Variants in LMX1A observed in about 807,000 individuals in gnomAD.
LMX1A encodes LIM homeobox transcription factor 1-alpha.
Under a neutral mutation model 49.1 loss-of-function variants are expected in LMX1A, and 15 were observed. That is an observed-to-expected ratio of 0.31 (90% confidence interval 0.20 to 0.47). The LOEUF (loss-of-function observed/expected upper bound fraction) is 0.47, where lower values mean the gene tolerates loss of function less well. LMX1A is among the 20% of genes least tolerant of loss of function. The probability of loss-of-function intolerance (pLI) is 1.00; values close to 1 mark genes in which losing one functional copy is unlikely to be tolerated. For missense variants in LMX1A, 372 were observed against 475.8 expected, an observed-to-expected ratio of 0.78 and a Z score of 2.03; for synonymous variants, 167 against 185.7, an observed-to-expected ratio of 0.90 and a Z score of 0.82.
Position 165,205,921 on chromosome 1 carries a change from G to C in LMX1A, c.931C>G (p.Pro311Ala), listed in dbSNP as rs186074862. Residue 311 changes from proline to alanine, a missense_variant, in exon 8 of 9, where the codon CCC (proline) becomes GCC (alanine). By Grantham distance (27) the Pro-to-Ala change is conservative. Around this residue, in one of 3 missense-constraint regions of LMX1A, gnomAD observed 127 missense variants for 138.0 expected, o/e 0.92. Coordinates refer to ENST00000342310, the MANE Select transcript of LMX1A (RefSeq NM_177398.4). Reference protein sequence around the residue: ...AIEQSVYSSDPFRQGLTPPQM... With the variant: ...AIEQSVYSSDAFRQGLTPPQM... ...GGTGGGGTGAGACCCTGTCGGAAGGGATCTGAGCTGTAGACACTCTGCTCG... is the reference window on the plus strand; with the variant it reads ...GGTGGGGTGAGACCCTGTCGGAAGGCATCTGAGCTGTAGACACTCTGCTCG... 4 of 1,614,104 alleles carry C rather than the reference G, an allele frequency of 2.5e-6. No homozygotes were observed. Among genetic ancestry groups the C allele is most frequent in the Non-Finnish European group, 3.4e-6 (4 of 1,180,016 alleles).
chr1:165,312,636 G>C (rs1655107816), intron 3 of LMX1A, among the ~76,000 whole-genome samples: 2 of 152,224 alleles, frequency 1.3e-5, no homozygotes, highest in African/African-American at 2.4e-5. Flanking sequence ...CTCAGATGGA[G>C]AGGAAATAAG....
At chr1:165,251,958 G>C (rs1391604891) in intron 3 of LMX1A, among the ~76,000 whole-genome samples, 1 of 152,070 alleles carries the variant, frequency 6.6e-6, no homozygotes, top group Admixed American at 6.6e-5. Context: ...CAAAATCTTG[G>C]GCAGGTTGTT....
At chr1:165,294,118 A>C (rs1654551330) in intron 3 of LMX1A, among the ~76,000 whole-genome samples, 1 of 152,236 alleles carries the variant, frequency 6.6e-6, no homozygotes, top group African/African-American at 2.4e-5. Flanking sequence ...GTAGGGACTA[A>C]GGTGGAACCA....
intron 3 of LMX1A, among the ~76,000 whole-genome samples, chr1:165,274,832 T>A (rs1653914129): frequency 6.6e-6 from 1 of 152,172 alleles, no homozygotes; most frequent in South Asian, 2.1e-4. Context: ...ACTTAACCTC[T>A]CTGAGCCTCA....
intron 3 of LMX1A, among the ~76,000 whole-genome samples, chr1:165,251,625 A>G (rs548150979): frequency 7.9e-5 from 12 of 152,250 alleles, no homozygotes; most frequent in Non-Finnish European, 1.8e-4. Flanking sequence ...TGATAATGCC[A>G]AGACTCCAGT....
At chr1:165,274,167 TTC>T (rs980952592) in intron 3 of LMX1A, among the ~76,000 whole-genome samples, 1 of 152,218 alleles carries the variant, frequency 6.6e-6, no homozygotes, top group Non-Finnish European at 1.5e-5. Context: ...GAATGACTTT[TTC>T]TCTCTTTTCT....
intron 3 of LMX1A, among the ~76,000 whole-genome samples, chr1:165,280,739 A>G (rs1399813835): frequency 2.6e-5 from 4 of 152,202 alleles, no homozygotes; most frequent in Middle Eastern, 3.2e-3. Context: ...GGCAAAAGTT[A>G]TGGAAGCAGA....
chr1:165,258,198 A>G (rs1396253860), intron 3 of LMX1A, among the ~76,000 whole-genome samples: 2 of 152,226 alleles, frequency 1.3e-5, no homozygotes, highest in East Asian at 1.9e-4. Flanking sequence ...GATTGGCCAT[A>G]AGCCAAAACT....
intron 3 of LMX1A, among the ~76,000 whole-genome samples, chr1:165,260,365 T>C (rs1336557820): frequency 6.6e-6 from 1 of 152,010 alleles, no homozygotes; most frequent in African/African-American, 2.4e-5. Flanking sequence ...TGTGTGTGCA[T>C]GTGTGTGTGA....
intron 4 of LMX1A, among the ~76,000 whole-genome samples, chr1:165,215,013 T>C (rs1006305177): frequency 6.6e-6 from 1 of 152,192 alleles, no homozygotes; most frequent in African/African-American, 2.4e-5. Context: ...TCTTTTTACT[T>C]TTGGCATTAA....
intron 5 of LMX1A, chr1:165,212,883 G>A (rs916997915): frequency 6.6e-6 from 1 of 152,156 alleles, no homozygotes; most frequent in Non-Finnish European, 1.5e-5. Context: ...ACACATATGA[G>A]GAGAAATGAT....
intron 3 of LMX1A, among the ~76,000 whole-genome samples, chr1:165,313,925 C>T (rs1486623345): frequency 1.3e-5 from 2 of 152,224 alleles, no homozygotes; most frequent in African/African-American, 2.4e-5. Flanking sequence ...ACAGGAGGAA[C>T]CCCTTGGCTG....
chr1:165,280,401 T>C (rs919103188), intron 3 of LMX1A, among the ~76,000 whole-genome samples: 1 of 151,154 alleles, frequency 6.6e-6, no homozygotes, highest in Non-Finnish European at 1.5e-5. Context: ...AGCCATCATC[T>C]GAAGCCAGCC....
intron 3 of LMX1A, among the ~76,000 whole-genome samples, chr1:165,252,646 C>T (rs573597774): frequency 2.0e-5 from 3 of 152,184 alleles, no homozygotes; most frequent in Admixed American, 6.5e-5. Flanking sequence ...TCAGTAGATA[C>T]GGAAAGGTCA....
At chr1:165,229,468 C>G (rs1652163952) in intron 4 of LMX1A, among the ~76,000 whole-genome samples, 1 of 152,202 alleles carries the variant, frequency 6.6e-6, no homozygotes, top group Admixed American at 6.5e-5. Context: ...TGAGGCAGCA[C>G]AAGAGCCCCG....
intron 3 of LMX1A, among the ~76,000 whole-genome samples, chr1:165,262,548 C>T (rs926960741): frequency 6.6e-6 from 1 of 152,210 alleles, no homozygotes; most frequent in African/African-American, 2.4e-5. Context: ...TGCAATCCTG[C>T]TCAAGTCTCT....
At chr1:165,222,237 GAGA>G (rs1270956942) in intron 4 of LMX1A, among the ~76,000 whole-genome samples, 1 of 152,128 alleles carries the variant, frequency 6.6e-6, no homozygotes, top group Non-Finnish European at 1.5e-5. Context: ...CTCCAAGAAG[GAGA>G]CTGTAGAGCT....
chr1:165,204,874 G>T (rs913123203), intron 8 of LMX1A, among the ~76,000 whole-genome samples: 8 of 152,164 alleles, frequency 5.3e-5, no homozygotes, highest in Non-Finnish European at 8.8e-5. Flanking sequence ...AAGCCAAGAG[G>T]GTGGCTATCA....
In LMX1A at chr1:165,275,839, G is replaced by GTGTA. The variant is rs1282038948; in HGVS notation, c.264-26200_264-26199insTACA. On this transcript the variant is annotated intron_variant, in intron 3 of 8. Transcript: ENST00000342310. ...TCTAGAGCTTTTATGGCGCTGGGGT[G>GTGTA]TGTGTGTATGTGTGTGTGTGTGTGT... Among the ~76,000 whole-genome samples, 153 of 73,734 alleles carry GTGTA rather than the reference G, an allele frequency of 2.1e-3. 1 individual carries two copies. The highest frequency in any genetic ancestry group is 6.8e-3 in the African/African-American group (126 of 18,550). The allele number at this position is 73,734 out of a possible 152,430, so 48.4% of individuals were successfully genotyped here.
Sources: allele counts gnomAD v4.1 joint callset (sites outside exome capture counted in the v4.1 genomes callset), GRCh38; gene constraint gnomAD v4.1.1; regional missense constraint gnomAD v4.1.1; transcripts MANE v1.5; gene names NCBI Gene and HGNC (gene_info 2026-07-23, HGNC 2026-07-21).